CACNA1E: variants seen among roughly 807,000 people sequenced by gnomAD.
CACNA1E encodes voltage-dependent R-type calcium channel subunit alpha-1E.
CACNA1E carries 40 observed loss-of-function variants against 259.2 expected under a neutral mutation model. That is an observed-to-expected ratio of 0.15 (90% CI 0.12 to 0.20). CACNA1E has a LOEUF of 0.20. Ranked by LOEUF, CACNA1E falls within the 10% of genes least tolerant of loss-of-function variation. CACNA1E has a pLI of 1.00. For synonymous variants in CACNA1E, 1,104 were observed against 1,138.5 expected, an observed-to-expected ratio of 0.97 and a Z score of 0.61; for missense variants, 1,874 against 3,040.1, an observed-to-expected ratio of 0.62 and a Z score of 9.02.
intron 1 of CACNA1E, among the ~76,000 whole-genome samples, chr1:181,349,504 A>G (rs945342408): frequency 1.3e-5 from 2 of 152,228 alleles, no homozygotes; most frequent in Non-Finnish European, 2.9e-5. Flanking sequence ...TGACATTGAA[A>G]GGGAAGACAA....
At chr1:181,533,132 G>A (rs1035547440) in intron 3 of CACNA1E, among the ~76,000 whole-genome samples, 1 of 151,956 alleles carries the variant, frequency 6.6e-6, no homozygotes, top group Non-Finnish European at 1.5e-5. Context: ...TTTTTAAATA[G>A]GGAATCGAGA....
At chr1:181,381,488 C>T (rs572422102) in intron 1 of CACNA1E, among the ~76,000 whole-genome samples, 17 of 152,070 alleles carry the variant, frequency 1.1e-4, no homozygotes, top group East Asian at 7.7e-4. Context: ...TCAATGATTG[C>T]GTGGAGAAGA....
chr1:181,779,038 G>C (rs375971611), intron 38 of CACNA1E, among the ~76,000 whole-genome samples: 1 of 152,348 alleles, frequency 6.6e-6, no homozygotes, highest in East Asian at 1.9e-4. Context: ...AAAGCAAACA[G>C]TTCTGCAGTC....
chr1:181,580,231 C>T (rs906266022), intron 5 of CACNA1E, among the ~76,000 whole-genome samples: 11 of 152,170 alleles, frequency 7.2e-5, no homozygotes, highest in Admixed American at 6.5e-4. Context: ...GAACTCAGGG[C>T]TCATCCTGGA....
intron 38 of CACNA1E, among the ~76,000 whole-genome samples, chr1:181,780,924 T>C (rs529951091): frequency 2.6e-5 from 4 of 152,254 alleles, no homozygotes; most frequent in African/African-American, 9.6e-5. Context: ...CAGCCTGACT[T>C]CCAGGCCAGC....
chr1:181,762,295 A>C (rs1157159741), intron 32 of CACNA1E, among the ~76,000 whole-genome samples: 1 of 152,206 alleles, frequency 6.6e-6, no homozygotes, highest in Non-Finnish European at 1.5e-5. Context: ...ATTGAAAAAA[A>C]CTTTTTTTAC....
rs2293991 is a variant in CACNA1E at position 181,752,129 on chromosome 1, C to T, written c.3732-14C>T. On this transcript the variant is annotated splice_polypyrimidine_tract_variant and intron_variant, in intron 26 of 47. Transcript: ENST00000367573. ...CCCATTCCATATGATTCCCTGGGGG[C>T]CTCTCCCCTGCAGAACCAACAAAGG... The T allele has an allele frequency of 0.031, 48,753 of 1,580,316 alleles. 1,941 individuals carry two copies. Among genetic ancestry groups the T allele is most frequent in the South Asian group, 0.14 (12,955 of 90,366 alleles).
chr1:181,603,901 T>C (rs1338675842), intron 6 of CACNA1E, among the ~76,000 whole-genome samples: 2 of 152,174 alleles, frequency 1.3e-5, no homozygotes, highest in Non-Finnish European at 2.9e-5. Flanking sequence ...GGGAGGCGGC[T>C]GTGCAGCTGC....
intron 38 of CACNA1E, among the ~76,000 whole-genome samples, chr1:181,779,847 CACAG>C (rs970720316): frequency 5.9e-5 from 9 of 151,666 alleles, no homozygotes; most frequent in African/African-American, 2.2e-4. Flanking sequence ...CACACACACA[CACAG>C]GTCCACCTTA....
chr1:181,326,191 G>T (rs193268461), intron 1 of CACNA1E, among the ~76,000 whole-genome samples: 1 of 152,302 alleles, frequency 6.6e-6, no homozygotes, highest in East Asian at 1.9e-4. Context: ...TACAGGAATT[G>T]TCATTCTTGT....
intron 1 of CACNA1E, among the ~76,000 whole-genome samples, chr1:181,329,724 C>A (rs1001094312): frequency 1.3e-5 from 2 of 152,196 alleles, no homozygotes; most frequent in African/African-American, 4.8e-5. Context: ...TTATGTTCCC[C>A]TATGACACTC....
intron 21 of CACNA1E, 50 bp from the exon 22 acceptor site, chr1:181,736,225 T>G: frequency 6.5e-7 from 1 of 1,536,504 alleles, no homozygotes; most frequent in Non-Finnish European, 8.8e-7. Context: ...AATGGTGCCA[T>G]TTTCACATGC....
intron 18 of CACNA1E, among the ~76,000 whole-genome samples, chr1:181,728,236 G>A (rs1286255919): frequency 6.6e-6 from 1 of 152,118 alleles, no homozygotes; most frequent in Non-Finnish European, 1.5e-5. Context: ...ACTGAGATGA[G>A]GAAGCCTGGG....
rs778291283 is a variant in CACNA1E at position 181,720,261 on chromosome 1, A to G, written c.1807A>G (p.Ile603Val). 1 of 1,613,772 alleles carries G rather than the reference A, an allele frequency of 6.2e-7. No individual in the cohort carries two copies. The highest frequency in any genetic ancestry group is 8.5e-7 in the Non-Finnish European group (1 of 1,179,754). Residue 603 changes from isoleucine (I) to valine (V), a missense_variant, in exon 14 of 48, where the codon ATC becomes GTC. Physicochemically the swap from Ile to Val is conservative, Grantham distance 29. This residue lies in a region of CACNA1E where 102 missense variants were observed against 279.4 expected (regional missense o/e 0.37). Coordinates refer to ENST00000367573, the MANE Select transcript of CACNA1E (RefSeq NM_001205293.3). ...VVSLMSSMKS[I>V]ISLLFLLFLF... ...CTCCTTGATGAGCTCAATGAAGTCT[A>G]TCATCAGTTTGCTTTTCCTCCTCTT...
chr1:181,720,152 G>A lies in CACNA1E; in HGVS notation c.1752-54G>A, dbSNP rs932173165. ...CCAGGCATATGCTGAGCTGGGCTTG[G>A]TGGGTGACTTGGTATGCAGTGTTCA... is the stretch of plus-strand genomic sequence containing the variant. On this transcript the variant is annotated intron_variant, in intron 13 of 47. Coordinates refer to ENST00000367573, the MANE Select transcript of CACNA1E (RefSeq NM_001205293.3). The A allele has an allele frequency of 3.7e-5, 60 of 1,606,140 alleles. No individual in the cohort carries two copies. In the Admixed American group the frequency reaches 9.9e-4, roughly 26 times the overall value.
chr1:181,437,757 G>A (rs1660189195), intron 2 of CACNA1E, among the ~76,000 whole-genome samples: 1 of 151,888 alleles, frequency 6.6e-6, no homozygotes, highest in Admixed American at 6.5e-5. Context: ...TGATGTAGGT[G>A]TGCCCCAGGG....
At chr1:181,336,078 C>T (rs1174223064) in intron 1 of CACNA1E, among the ~76,000 whole-genome samples, 1 of 152,206 alleles carries the variant, frequency 6.6e-6, no homozygotes, top group Non-Finnish European at 1.5e-5. Flanking sequence ...CTAGTTGAGT[C>T]TCCTGTTTTT....
chr1:181,551,840 C>G (rs1425966089), intron 3 of CACNA1E, among the ~76,000 whole-genome samples: 2 of 152,140 alleles, frequency 1.3e-5, no homozygotes, highest in Non-Finnish European at 2.9e-5. Context: ...ATTTTCTCCT[C>G]TCTCCCTCAC....
At chr1:181,630,466 C>T (rs902479157) in intron 6 of CACNA1E, among the ~76,000 whole-genome samples, 1 of 151,350 alleles carries the variant, frequency 6.6e-6, no homozygotes, top group Non-Finnish European at 1.5e-5. Flanking sequence ...TTGTCAATTA[C>T]TTCACACTGA....
Sources: gnomAD v4.1 joint callset for allele counts (sites outside exome capture counted in the v4.1 genomes callset) on GRCh38, gnomAD v4.1.1 for gene constraint, gnomAD v4.1.1 regional missense constraint, MANE v1.5 for transcripts, NCBI Gene and HGNC (gene_info 2026-07-23, HGNC 2026-07-21) for gene names.